PLEKHA7: variants seen among roughly 807,000 people sequenced by gnomAD.
PLEKHA7 encodes pleckstrin homology domain containing A7.
PLEKHA7 carries 104 observed loss-of-function variants against 170.0 expected under a neutral mutation model. The ratio of observed to expected loss-of-function variants is 0.61; its 90% CI spans 0.52 to 0.72. The LOEUF is 0.72. PLEKHA7 is among the 30% of genes least tolerant of loss of function. The pLI, the probability that PLEKHA7 is intolerant of heterozygous loss-of-function variation, is 0.00. For synonymous variants in PLEKHA7, 648 were observed against 660.8 expected (o/e 0.98, Z 0.30); for missense variants, 1,615 against 1,671.7 (o/e 0.97, Z 0.59).
At chr11:16,828,051 TGC>T (rs933368494) in intron 9 of PLEKHA7, among the ~76,000 whole-genome samples, 6 of 152,304 alleles carry the variant, frequency 3.9e-5, no homozygotes, top group African/African-American at 1.4e-4. Context: ...CTAGTTACAA[TGC>T]CAACATAACG....
chr11:16,816,678 G>T, intron 11 of PLEKHA7, 122 bp downstream of exon 11: 1 of 1,213,472 alleles, frequency 8.2e-7, no homozygotes, highest in Non-Finnish European at 1.1e-6. Flanking sequence ...TTATTAAAAT[G>T]TACTGCCTAA....
chr11:16,892,127 C>T (rs1006095085), intron 3 of PLEKHA7, among the ~76,000 whole-genome samples: 1 of 152,160 alleles, frequency 6.6e-6, no homozygotes, highest in Non-Finnish European at 1.5e-5. Flanking sequence ...TGGAAGAATG[C>T]AAACCCCAAG....
chr11:16,899,968 G>A (rs934917824), intron 3 of PLEKHA7, among the ~76,000 whole-genome samples: 1 of 152,204 alleles, frequency 6.6e-6, no homozygotes, highest in African/African-American at 2.4e-5. Context: ...GGAAGTGTCA[G>A]TGAGCTCACC....
chr11:16,886,235 C>G (rs992657272), intron 3 of PLEKHA7, among the ~76,000 whole-genome samples: 24 of 152,162 alleles, frequency 1.6e-4, no homozygotes, highest in African/African-American at 5.8e-4. Context: ...AACAAGATCA[C>G]AGACCTCTCC....
In PLEKHA7 at chr11:16,783,711, G is replaced by C; in HGVS notation, c.3639C>G (p.Leu1213=). The change falls in exon 25 of 27, where the codon CTC becomes CTG. Residue 1213 remains leucine (L), a synonymous_variant. Transcript: ENST00000531066. ...YRKAEKIRNI[L]ARSSMCNLQP... ...AAGCGAGGGCTGACCTTGACCGGGC[G>C]AGGATGTTGCGGATCTTCTCGGCTT... 6.8e-7 allele frequency: 1 copy of C among 1,469,124 alleles called. No individual in the cohort carries two copies. Among genetic ancestry groups the C allele is most frequent in the Non-Finnish European group, 9.0e-7 (1 of 1,114,026 alleles). The allele number at this position is 1,469,124 out of a possible 1,614,324, so 91.0% of individuals were successfully genotyped here. A position where few individuals can be genotyped will look rare whatever the true frequency, so the allele number is the denominator to read the frequency against.
At chr11:16,960,014 G>C (rs1465867571) in intron 3 of PLEKHA7, among the ~76,000 whole-genome samples, 1 of 152,196 alleles carries the variant, frequency 6.6e-6, no homozygotes, top group African/African-American at 2.4e-5. Flanking sequence ...TGCAGTGGCA[G>C]GTCCTGCCCC....
At chr11:16,997,308 C>T (rs1464837209) in intron 3 of PLEKHA7, among the ~76,000 whole-genome samples, 1 of 152,194 alleles carries the variant, frequency 6.6e-6, no homozygotes, top group Non-Finnish European at 1.5e-5. Context: ...TGAGCAATGA[C>T]CCCAGAGTCT....
intron 3 of PLEKHA7, among the ~76,000 whole-genome samples, chr11:16,989,778 G>A (rs1590798355): frequency 6.6e-6 from 1 of 152,190 alleles, no homozygotes; most frequent in Admixed American, 6.5e-5. Flanking sequence ...CAAGAAGACA[G>A]GTGCCTCTTT....
At chr11:16,977,392 A>G (rs1590766533) in intron 3 of PLEKHA7, among the ~76,000 whole-genome samples, 2 of 152,006 alleles carry the variant, frequency 1.3e-5, no homozygotes, top group Admixed American at 6.6e-5. Context: ...TCCCTCCTCA[A>G]TGAAACCTTC....
chr11:16,847,886 T>C (rs1475715564), intron 8 of PLEKHA7, among the ~76,000 whole-genome samples: 1 of 145,210 alleles, frequency 6.9e-6, no homozygotes, highest in African/African-American at 2.5e-5. Context: ...CTGAAAGCAA[T>C]GGGGAACCAC....
At chr11:16,864,471 G>A (rs1480389227) in intron 4 of PLEKHA7, among the ~76,000 whole-genome samples, 1 of 152,052 alleles carries the variant, frequency 6.6e-6, no homozygotes, top group Non-Finnish European at 1.5e-5. Flanking sequence ...TTGAAACAAG[G>A]GATGCTATAA....
In PLEKHA7 at chr11:16,841,692, A is replaced by G; in HGVS notation, c.727T>C (p.Tyr243His). The G allele has an allele frequency of 6.2e-7, 1 of 1,614,180 alleles. No individual in the cohort carries two copies. Among genetic ancestry groups the G allele is most frequent in the South Asian group, 1.1e-5 (1 of 91,084 alleles). The change falls in exon 9 of 27, where the codon TAT becomes CAT. Residue 243 changes from tyrosine (Y) to histidine (H), a missense_variant. Physicochemically the swap from Tyr to His is moderately conservative, Grantham distance 83. Transcript: ENST00000531066. ...TGAGAGCCCGCTGTGGAGCTGTTAT[A>G]GATGAGCGCTCGCATCCCCGTGTGC... Reference protein sequence around the residue: ...AVHTGMRALIYNSSTAGSQAE... With the variant: ...AVHTGMRALIHNSSTAGSQAE...
intron 21 of PLEKHA7, 27 bp downstream of exon 21, chr11:16,790,771 G>C (rs1415784186): frequency 1.3e-6 from 2 of 1,596,810 alleles, no homozygotes; most frequent in East Asian, 4.5e-5. Flanking sequence ...GATTCCCAGA[G>C]AAACTCCAGG....
chr11:16,887,558 T>C lies in PLEKHA7; in HGVS notation c.222-16376A>G, dbSNP rs1443666887. Among the ~76,000 whole-genome samples the C allele has an allele frequency of 2.0e-5, 3 of 152,356 alleles. No homozygotes were observed. The East Asian group carries it at 5.8e-4, about 29-fold the overall frequency. On this transcript the variant is annotated intron_variant, in intron 3 of 26. Coordinates refer to ENST00000531066, the MANE Select transcript of PLEKHA7 (RefSeq NM_001329630.2). ...GCAGGCGCGCACCACCACGCCTGAC[T>C]GGCTTTCGTATTTTTTTGGTGGAGA...
chr11:16,809,105 C>T (rs1849184292), intron 13 of PLEKHA7, among the ~76,000 whole-genome samples: 1 of 152,218 alleles, frequency 6.6e-6, no homozygotes, highest in South Asian at 2.1e-4. Flanking sequence ...GAGTCCTTTT[C>T]ACCCTGGCAC....
intron 12 of PLEKHA7, among the ~76,000 whole-genome samples, chr11:16,815,500 C>T (rs928765476): frequency 6.6e-6 from 1 of 152,332 alleles, no homozygotes; most frequent in African/African-American, 2.4e-5. Context: ...CAACAACCAA[C>T]AGTGCAACCT....
chr11:16,825,512 G>A (rs1408381593), intron 10 of PLEKHA7, among the ~76,000 whole-genome samples: 1 of 152,214 alleles, frequency 6.6e-6, no homozygotes, highest in Non-Finnish European at 1.5e-5. Flanking sequence ...GGAAGCTAGT[G>A]ACCCTGAATT....
Position 16,816,253 on chromosome 11 carries a change from A to G in PLEKHA7, c.1878T>C (p.His626=). Residue 626 remains histidine, a synonymous_variant, in exon 12 of 27, where the codon CAT becomes CAC. Transcript: ENST00000531066. The part of the protein sequence containing the change: ...ARGHAVKNSS[H]VDRRSMPSMG... ...TGGAGGGCATGGAGCGTCGGTCCAC[A>G]TGAGATGAGTTCTGCAAGTGGGGAG... 8 of 1,613,016 alleles carry G rather than the reference A, an allele frequency of 5.0e-6. No homozygotes were observed. Among genetic ancestry groups the G allele is most frequent in the Non-Finnish European group, 6.8e-6 (8 of 1,179,146 alleles).
chr11:16,880,073 TTTC>T (rs1337746405), intron 3 of PLEKHA7, among the ~76,000 whole-genome samples: 1 of 152,192 alleles, frequency 6.6e-6, no homozygotes, highest in East Asian at 1.9e-4. Flanking sequence ...CTTTCCTAAT[TTTC>T]TTTTTTAAGG....
Sources: allele counts gnomAD v4.1 joint callset (sites outside exome capture counted in the v4.1 genomes callset), GRCh38; gene constraint gnomAD v4.1.1; transcripts MANE v1.5; gene names NCBI Gene and HGNC (gene_info 2026-07-23, HGNC 2026-07-21).